The following CCDC6 variants were observed in gnomAD, a reference collection of about 807,000 sequenced individuals.
The protein encoded by CCDC6 is coiled-coil domain-containing protein 6.
In CCDC6, 20 loss-of-function variants were observed where a neutral mutation model predicts 56.6. The observed-to-expected ratio is 0.35, with a 90% CI of 0.25 to 0.51. The LOEUF (loss-of-function observed/expected upper bound fraction) is 0.51, where lower values mean the gene tolerates loss of function less well. Among genes scored for constraint, CCDC6 ranks in the 20% least tolerant of loss-of-function variants. The pLI is 0.95. For missense variants in CCDC6, 367 were observed against 601.1 expected, an observed-to-expected ratio of 0.61 and a Z score of 4.07; for synonymous variants, 241 against 234.4, an observed-to-expected ratio of 1.03 and a Z score of -0.26.
At position 59,852,533 on chromosome 10, in the gene CCDC6, G is replaced by T; in HGVS notation, c.453+20C>A. 1 of 1,554,526 alleles carries T rather than the reference G, an allele frequency of 6.4e-7. No individual in the cohort carries two copies. The highest frequency in any genetic ancestry group is 1.2e-5 in the South Asian group (1 of 80,486). On this transcript the variant is annotated intron_variant, in intron 2 of 8. Coordinates refer to ENST00000263102, the MANE Select transcript of CCDC6 (RefSeq NM_005436.5). Reference sequence around the variant, plus strand: ...AGGAAAATAGGCAGGGAAGATGAGGGAGTAGAAAAGATAATTTACCTGCAT... The same window carrying T: ...AGGAAAATAGGCAGGGAAGATGAGGTAGTAGAAAAGATAATTTACCTGCAT...
At chr10:59,829,990 G>C (rs776729749) in intron 3 of CCDC6, among the ~76,000 whole-genome samples, 3 of 152,192 alleles carry the variant, frequency 2.0e-5, no homozygotes, top group Non-Finnish European at 4.4e-5. Flanking sequence ...TGGTTGCTTT[G>C]AAGTCAGAGC....
chr10:59,866,897 G>A (rs1268085909), intron 1 of CCDC6, among the ~76,000 whole-genome samples: 1 of 152,204 alleles, frequency 6.6e-6, no homozygotes, highest in Admixed American at 6.5e-5. Flanking sequence ...TCTTCAGAAT[G>A]ACAAGCCCTG....
chr10:59,878,128 A>G (rs1461327367), intron 1 of CCDC6, among the ~76,000 whole-genome samples: 1 of 152,222 alleles, frequency 6.6e-6, no homozygotes, highest in Non-Finnish European at 1.5e-5. Flanking sequence ...AGGAATAAGA[A>G]GTTACTAAAG....
intron 3 of CCDC6, among the ~76,000 whole-genome samples, chr10:59,827,730 G>C (rs911029705): frequency 2.6e-5 from 4 of 152,120 alleles, no homozygotes; most frequent in African/African-American, 9.7e-5. Context: ...GGACATCTCA[G>C]ATAAGAAAAT....
chr10:59,793,814 T>C (rs969813080), intron 8 of CCDC6, among the ~76,000 whole-genome samples: 2 of 151,716 alleles, frequency 1.3e-5, no homozygotes, highest in Non-Finnish European at 2.9e-5. Context: ...ATAAAGTCCA[T>C]CAAACTGGCC....
chr10:59,836,315 C>T (rs566874852), intron 2 of CCDC6, among the ~76,000 whole-genome samples: 2 of 152,268 alleles, frequency 1.3e-5, no homozygotes, highest in South Asian at 2.1e-4. Context: ...ATTGACCTGC[C>T]TATTTTAAAG....
At chr10:59,805,816 T>C (rs2070617144) in intron 6 of CCDC6, among the ~76,000 whole-genome samples, 1 of 152,188 alleles carries the variant, frequency 6.6e-6, no homozygotes, top group East Asian at 1.9e-4. Context: ...TAGACTTTCA[T>C]TATAGATAAT....
chr10:59,832,309 A>C (rs181893581), intron 3 of CCDC6, among the ~76,000 whole-genome samples: 1 of 152,358 alleles, frequency 6.6e-6, no homozygotes, highest in Admixed American at 6.5e-5. Context: ...TATCTCCTGA[A>C]ACTTTATTAA....
chr10:59,895,234 C>T (rs2132685109), intron 1 of CCDC6, among the ~76,000 whole-genome samples: 1 of 152,230 alleles, frequency 6.6e-6, no homozygotes, highest in Admixed American at 6.5e-5. Flanking sequence ...CTTAAGAGGT[C>T]GAGGCTGCAG....
chr10:59,880,752 G>C (rs1379464672), intron 1 of CCDC6, among the ~76,000 whole-genome samples: 2 of 152,220 alleles, frequency 1.3e-5, no homozygotes, highest in Non-Finnish European at 2.9e-5. Flanking sequence ...ATTTAGGCCA[G>C]TTCCTTAACC....
chr10:59,834,703 G>A (rs1162724495), intron 2 of CCDC6, among the ~76,000 whole-genome samples: 2 of 152,092 alleles, frequency 1.3e-5, no homozygotes, highest in East Asian at 1.9e-4. Context: ...AATCTTGCAG[G>A]GACCCAAGAG....
At chr10:59,795,745 C>A (rs10994013) in intron 7 of CCDC6, among the ~76,000 whole-genome samples, 2 of 151,014 alleles carry the variant, frequency 1.3e-5, no homozygotes, top group Admixed American at 1.3e-4. Context: ...TTTGTCCTTG[C>A]GATAGTTTAC....
intron 1 of CCDC6, among the ~76,000 whole-genome samples, chr10:59,891,180 C>T (rs1235831090): frequency 6.6e-6 from 1 of 152,154 alleles, no homozygotes; most frequent in Non-Finnish European, 1.5e-5. Context: ...TTGTTTATTT[C>T]CAATTGAAAT....
At chr10:59,872,070 A>T (rs368283126) in intron 1 of CCDC6, among the ~76,000 whole-genome samples, 2 of 152,328 alleles carry the variant, frequency 1.3e-5, no homozygotes, top group African/African-American at 4.8e-5. Flanking sequence ...ACATTTTACA[A>T]AATTGGTTCA....
intron 1 of CCDC6, among the ~76,000 whole-genome samples, chr10:59,870,988 T>A (rs756405526): frequency 1.2e-4 from 19 of 152,102 alleles, no homozygotes; most frequent in Non-Finnish European, 2.6e-4. Flanking sequence ...AACTCATCAG[T>A]ATGAGAGGAG....
intron 3 of CCDC6, among the ~76,000 whole-genome samples, chr10:59,816,448 G>C (rs1052261138): frequency 2.6e-5 from 4 of 152,274 alleles, no homozygotes; most frequent in African/African-American, 9.6e-5. Flanking sequence ...ATTGGGGGGA[G>C]ACTCCTGTAA....
intron 5 of CCDC6, among the ~76,000 whole-genome samples, chr10:59,808,667 C>A (rs967224948): frequency 2.6e-5 from 4 of 152,150 alleles, no homozygotes; most frequent in African/African-American, 9.7e-5. Context: ...ATTGTCAGTT[C>A]GGTCCAAATT....
At position 59,812,599 on chromosome 10, in the gene CCDC6, A is replaced by G; in HGVS notation, c.847+36T>C. ...TATATTTGGTAAAGTTATTAATTCT[A>G]CAGGCATGAAACTAGTGAAACCAGA... On this transcript the variant is annotated intron_variant, in intron 5 of 8. Coordinates refer to ENST00000263102, the MANE Select transcript of CCDC6 (RefSeq NM_005436.5). 3 of 1,486,106 alleles carry G rather than the reference A, an allele frequency of 2.0e-6. 1 individual carries two copies. 92.1% of individuals were successfully genotyped at this position (1,486,106 alleles called of 1,614,324 possible).
chr10:59,870,371 T>C (rs975430158), intron 1 of CCDC6, among the ~76,000 whole-genome samples: 2 of 152,148 alleles, frequency 1.3e-5, no homozygotes, highest in Non-Finnish European at 2.9e-5. Flanking sequence ...GCTCAGAGTC[T>C]AGTAGTTCCA....
Sources: allele counts gnomAD v4.1 joint callset (sites outside exome capture counted in the v4.1 genomes callset), GRCh38; gene constraint gnomAD v4.1.1; transcripts MANE v1.5; gene names NCBI Gene and HGNC (gene_info 2026-07-23, HGNC 2026-07-21).